The following SLIT1 variants were observed in gnomAD, a reference collection of about 807,000 sequenced individuals.
The protein encoded by SLIT1 is slit guidance ligand 1.
In SLIT1, 66 loss-of-function variants were observed where a neutral mutation model predicts 186.1. The observed-to-expected ratio is 0.35, with a 90% confidence interval of 0.29 to 0.44. SLIT1 has a LOEUF of 0.44. Among genes scored for constraint, SLIT1 ranks in the 20% least tolerant of loss-of-function variants. The pLI, the probability that SLIT1 is intolerant of heterozygous loss-of-function variation, is 1.00. For missense variants in SLIT1, 1,638 were observed against 2,037.4 expected (o/e 0.80, Z 3.77); for synonymous variants, 761 against 833.8 (o/e 0.91, Z 1.50).
At chr10:97,136,288 C>T (rs776957383) in intron 4 of SLIT1, among the ~76,000 whole-genome samples, 5 of 152,046 alleles carry the variant, frequency 3.3e-5, no homozygotes, top group South Asian at 4.2e-4. Context: ...CCGTACCTTC[C>T]GTTTGGTGTT....
At position 97,116,696 on chromosome 10, in the gene SLIT1, G is replaced by A. The variant is rs144713150; in HGVS notation, c.413+41122C>T. Among the ~76,000 whole-genome samples the A allele has an allele frequency of 1.6e-4, 24 of 152,316 alleles. No individual in the cohort carries two copies. The East Asian group carries it at 4.2e-3, about 27-fold the overall frequency. ...CGGGCTCCCCAGGGAGAGGGGCCCA[G>A]GTGTTCCTGCCTCCTCTCTGGTGCA... On this transcript the variant is annotated intron_variant, in intron 4 of 36. Coordinates refer to ENST00000266058, the MANE Select transcript of SLIT1 (RefSeq NM_003061.3).
At chr10:97,035,355 A>G (rs2134614284) in intron 22 of SLIT1, among the ~76,000 whole-genome samples, 1 of 151,728 alleles carries the variant, frequency 6.6e-6, no homozygotes, top group South Asian at 2.1e-4. Flanking sequence ...TCCTCTCATG[A>G]ACTCCTCCTC....
chr10:97,052,104 G>GTTTT lies in SLIT1; in HGVS notation c.1302-2990_1302-2987dup, dbSNP rs372886018. On this transcript the variant is annotated intron_variant, in intron 13 of 36. Transcript: ENST00000266058. ...TGTATGATTCGGTTTTTTTTTGTTT[G>GTTTT]TTTTTTTTTTTTTTGGAGTCGGTCT... Among the ~76,000 whole-genome samples the GTTTT allele has an allele frequency of 6.6e-5, 9 of 137,084 alleles. 1 individual carries two copies. The highest frequency in any genetic ancestry group is 7.3e-5 in the Admixed American group (1 of 13,610). 89.9% of individuals were successfully genotyped at this position (137,084 alleles called of 152,430 possible).
In SLIT1 at chr10:97,060,862, G is replaced by A. The variant is rs561679370; in HGVS notation, c.794-75C>T. ...CCTTGAGCCCAGATACCGACTGATG[G>A]ATGGGATAGGGTGTACACTGGCAGT... On this transcript the variant is annotated intron_variant, in intron 8 of 36. Coordinates refer to ENST00000266058, the MANE Select transcript of SLIT1 (RefSeq NM_003061.3). 6 of 1,448,984 alleles carry A rather than the reference G, an allele frequency of 4.1e-6. No individual in the cohort carries two copies. In the African/African-American group the frequency reaches 8.4e-5, roughly 20 times the overall value. The allele number at this position is 1,448,984 out of a possible 1,614,324, so 89.8% of individuals were successfully genotyped here.
At chr10:97,172,238 G>T (rs1360889544) in intron 1 of SLIT1, among the ~76,000 whole-genome samples, 6 of 151,930 alleles carry the variant, frequency 3.9e-5, no homozygotes, top group Non-Finnish European at 1.5e-5. Flanking sequence ...TAGAGGCAGG[G>T]TTTCACCATG....
chr10:97,089,372 G>A lies in SLIT1; in HGVS notation c.414-23286C>T, dbSNP rs964667222. On this transcript the variant is annotated intron_variant, in intron 4 of 36. Transcript: ENST00000266058. ...TGAGGGGTGGCAGTGAGTCCCTGTC[G>A]CACCTGACAGCCAGCTAAGGTGCAA... is the stretch of plus-strand genomic sequence containing the variant. 2.6e-5 allele frequency among the ~76,000 whole-genome samples: 4 copies of A among 152,152 alleles called. No individual in the cohort carries two copies. In the South Asian group the frequency reaches 8.3e-4, roughly 32 times the overall value.
In SLIT1 at chr10:97,064,192, T is replaced by C; in HGVS notation, c.605A>G (p.Asn202Ser). Residue 202 changes from asparagine (N) to serine (S), a missense_variant, in exon 7 of 37, where the codon AAC becomes AGC. Around this residue, in one of 3 missense-constraint regions of SLIT1, gnomAD observed 1,245 missense variants for 1,535.3 expected, o/e 0.81. Transcript: ENST00000266058. ...NITTIPVSSF[N>S]HMPKLRTFRL... is the part of the protein sequence containing the mutation. ...CAAGGTCCGTAGCTTGGGCATATGG[T>C]TGAAGCTGGACACGGGGATGGTGGT... The C allele has an allele frequency of 1.2e-6, 2 of 1,613,710 alleles. No individual in the cohort carries two copies. Among genetic ancestry groups the C allele is most frequent in the South Asian group, 1.1e-5 (1 of 90,908 alleles).
chr10:97,097,155 C>T (rs912588833), intron 4 of SLIT1, among the ~76,000 whole-genome samples: 1 of 152,234 alleles, frequency 6.6e-6, no homozygotes, highest in Non-Finnish European at 1.5e-5. Context: ...GTCCTGCACA[C>T]ACACTCCTGC....
At position 97,047,771 on chromosome 10, in the gene SLIT1, C is replaced by G. The variant is rs373698645; in HGVS notation, c.1553G>C (p.Arg518Pro). 1 of 1,614,058 alleles carries G rather than the reference C, an allele frequency of 6.2e-7. No homozygotes were observed. The stretch of plus-strand genomic sequence containing the variant: ...GCACTCCACCACGTTGGCCTCACAG[C>G]GGCACTTGTGGGGACAGACCACGTC... The part of the protein sequence containing the change: ...NSDVVCPHKC[R>P]CEANVVECSS... The change falls in exon 16 of 37, where the codon CGC (arginine) becomes CCC (proline). Residue 518 changes from arginine (R) to proline (P), a missense_variant. By Grantham distance (103) the Arg-to-Pro change is moderately radical (BLOSUM62 -2). Coordinates refer to ENST00000266058, the MANE Select transcript of SLIT1 (RefSeq NM_003061.3).
At chr10:97,046,869 G>A (rs1280563444) in intron 17 of SLIT1, 72 bp from the exon 18 acceptor site, 1 of 1,585,840 alleles carries the variant, frequency 6.3e-7, no homozygotes, top group Non-Finnish European at 8.6e-7. Flanking sequence ...CTTCCTGCAG[G>A]CAACACCCCC....
At chr10:97,035,122 T>A (rs61864165) in intron 22 of SLIT1, among the ~76,000 whole-genome samples, 2 of 151,802 alleles carry the variant, frequency 1.3e-5, no homozygotes, top group African/African-American at 4.8e-5. Context: ...ACAACTGATC[T>A]CTCTTCTCTT....
intron 4 of SLIT1, among the ~76,000 whole-genome samples, chr10:97,149,532 G>A (rs1476518592): frequency 6.6e-6 from 1 of 152,058 alleles, no homozygotes. Context: ...CATGCCTGAC[G>A]GGGAGCAAGG....
At chr10:97,064,947 C>T (rs1848929992) in intron 5 of SLIT1, 71 bp from the exon 6 acceptor site, 8 of 1,204,002 alleles carry the variant, frequency 6.6e-6, no homozygotes, top group South Asian at 2.8e-5. Flanking sequence ...ACATTCTGAC[C>T]GCGTGCTCCA....
intron 14 of SLIT1, 144 bp downstream of exon 14, chr10:97,048,811 G>A: frequency 1.3e-6 from 1 of 756,898 alleles, no homozygotes; most frequent in Non-Finnish European, 2.2e-6. Context: ...GGGCAGGTAT[G>A]CAGGTGGACA....
chr10:97,096,789 C>T, intron 4 of SLIT1, among the ~76,000 whole-genome samples: 1 of 152,146 alleles, frequency 6.6e-6, no homozygotes, highest in East Asian at 1.9e-4. Context: ...TCTCAAGAAT[C>T]AGGGCACGTG....
At chr10:97,160,881 T>G (rs551903336) in intron 3 of SLIT1, among the ~76,000 whole-genome samples, 60 of 152,230 alleles carry the variant, frequency 3.9e-4, no homozygotes, top group East Asian at 1.5e-3. Flanking sequence ...CCACTGTGCC[T>G]GGCTAATTTT....
At chr10:97,099,453 G>T (rs1589392842) in intron 4 of SLIT1, among the ~76,000 whole-genome samples, 2 of 152,184 alleles carry the variant, frequency 1.3e-5, no homozygotes, top group East Asian at 1.9e-4. Flanking sequence ...ACTCCAGGTT[G>T]GGGGGGTGGG....
intron 4 of SLIT1, among the ~76,000 whole-genome samples, chr10:97,092,926 T>C (rs983189874): frequency 6.6e-6 from 1 of 152,208 alleles, no homozygotes; most frequent in Non-Finnish European, 1.5e-5. Flanking sequence ...ACTGGACTAT[T>C]GTTGGCTTCA....
chr10:97,148,740 C>T (rs974089498), intron 4 of SLIT1, among the ~76,000 whole-genome samples: 17 of 152,102 alleles, frequency 1.1e-4, no homozygotes, highest in African/African-American at 3.4e-4. Context: ...ATTTTAAAAT[C>T]GTATGCTTTC....
Sources: gnomAD v4.1 joint callset for allele counts (sites outside exome capture counted in the v4.1 genomes callset) on GRCh38, gnomAD v4.1.1 for gene constraint, gnomAD v4.1.1 regional missense constraint, MANE v1.5 for transcripts, NCBI Gene and HGNC (gene_info 2026-07-23, HGNC 2026-07-21) for gene names.